Variants in SGO2 observed in about 807,000 individuals in gnomAD.
SGO2 encodes shugoshin 2.
In SGO2, 68 loss-of-function variants were observed where a neutral mutation model predicts 99.5. That is an observed-to-expected ratio of 0.68 (90% CI 0.56 to 0.84). The LOEUF is 0.84. Among genes scored for constraint, SGO2 ranks in the 40% least tolerant of loss-of-function variants. The pLI, the probability that SGO2 is intolerant of heterozygous loss-of-function variation, is 0.00. For synonymous variants in SGO2, 457 were observed against 487.1 expected (o/e 0.94, Z 0.81); for missense variants, 1,350 against 1,436.7 (o/e 0.94, Z 0.97).
At chr2:200,527,639 G>A (rs1014610568) in intron 1 of SGO2, among the ~76,000 whole-genome samples, 2 of 152,196 alleles carry the variant, frequency 1.3e-5, no homozygotes, top group Admixed American at 1.3e-4. Context: ...AGAGTGGGCG[G>A]TTTTTCTATT....
Position 200,571,269 on chromosome 2 carries a change from A to ATAATGAGATAAATGG in SGO2, c.925_939dup (p.Asn309_Gly313dup), listed in dbSNP as rs1208680920. On this transcript the variant is annotated inframe_insertion, in exon 7 of 9. Coordinates refer to ENST00000357799, the MANE Select transcript of SGO2 (RefSeq NM_152524.6). ...ATTTCAAGTCCAGAATTAAATTGCA[A>ATAATGAGATAAATGG]TAATGAGATAAATGGTCATACTAAT... 10 of 1,613,452 alleles carry ATAATGAGATAAATGG rather than the reference A, an allele frequency of 6.2e-6. No individual in the cohort carries two copies. The highest frequency in any genetic ancestry group is 8.5e-6 in the Non-Finnish European group (10 of 1,179,574).
intron 5 of SGO2, among the ~76,000 whole-genome samples, chr2:200,544,510 G>A (rs1256491461): frequency 1.3e-5 from 2 of 152,158 alleles, no homozygotes; most frequent in Non-Finnish European, 2.9e-5. Flanking sequence ...TCCAACTCCT[G>A]ACCTCCAGTA....
chr2:200,535,129 G>A lies in SGO2; in HGVS notation c.267G>A (p.Leu89=). The A allele has an allele frequency of 4.6e-6, 7 of 1,535,608 alleles. No homozygotes were observed. The highest frequency in any genetic ancestry group is 6.1e-6 in the Non-Finnish European group (7 of 1,152,740). ...KMLLQKEVEK[L]NFENTFLRLK... is the part of the protein sequence containing the mutation. ...TATTGCAAAAAGAAGTAGAGAAACT[G>A]AATTTTGAGAACACATTTCTTCGCC... is the stretch of plus-strand genomic sequence containing the variant. The change falls in exon 3 of 9, where the codon CTG becomes CTA. Residue 89 remains leucine (L), a synonymous_variant. Coordinates refer to ENST00000357799, the MANE Select transcript of SGO2 (RefSeq NM_152524.6).
At chr2:200,579,845 C>T (rs1051527318) in intron 8 of SGO2, among the ~76,000 whole-genome samples, 3 of 151,968 alleles carry the variant, frequency 2.0e-5, no homozygotes, top group African/African-American at 7.3e-5. Flanking sequence ...CTTTATCTGG[C>T]CTAGGTATCA....
At chr2:200,548,189 C>T (rs967707864) in intron 5 of SGO2, among the ~76,000 whole-genome samples, 3 of 150,826 alleles carry the variant, frequency 2.0e-5, no homozygotes, top group Admixed American at 1.3e-4. Flanking sequence ...TTCTTTTCAT[C>T]AACACATGGA....
At chr2:200,567,127 T>G (rs771304853) in intron 5 of SGO2, among the ~76,000 whole-genome samples, 13 of 152,200 alleles carry the variant, frequency 8.5e-5, no homozygotes, top group Non-Finnish European at 1.8e-4. Flanking sequence ...GTACCTCAGT[T>G]GGAAATGCAG....
In SGO2 at chr2:200,572,198, C is replaced by G. The variant is rs773911976; in HGVS notation, c.1852C>G (p.Arg618Gly). The G allele has an allele frequency of 6.2e-7, 1 of 1,612,172 alleles. No individual in the cohort carries two copies. The highest frequency in any genetic ancestry group is 2.2e-5 in the East Asian group (1 of 44,850). ...NINKLRKKVN[R>G]KTEIISGMNH... ...TAATAAGCTTAGAAAGAAAGTAAAC[C>G]GGAAGACAGAAATAATTTCTGGAAT... Residue 618 changes from arginine (R) to glycine (G), a missense_variant, in exon 7 of 9, where the codon CGG becomes GGG. By Grantham distance (125) the Arg-to-Gly change is moderately radical. Coordinates refer to ENST00000357799, the MANE Select transcript of SGO2 (RefSeq NM_152524.6).
At chr2:200,565,809 C>G (rs1422136411) in intron 5 of SGO2, among the ~76,000 whole-genome samples, 1 of 152,124 alleles carries the variant, frequency 6.6e-6, no homozygotes, top group Non-Finnish European at 1.5e-5. Context: ...TCATTTCATT[C>G]ATTTGATCTT....
At chr2:200,543,799 A>G (rs2106315982) in intron 5 of SGO2, among the ~76,000 whole-genome samples, 1 of 152,306 alleles carries the variant, frequency 6.6e-6, no homozygotes, top group African/African-American at 2.4e-5. Flanking sequence ...GTATTGTTTC[A>G]TATAGATATG....
chr2:200,565,052 C>T (rs1222768923), intron 5 of SGO2, among the ~76,000 whole-genome samples: 2 of 152,130 alleles, frequency 1.3e-5, no homozygotes, highest in Admixed American at 6.5e-5. Context: ...GAGCATTTAG[C>T]CCATTTACAT....
intron 5 of SGO2, among the ~76,000 whole-genome samples, chr2:200,557,238 T>C (rs921647031): frequency 4.6e-5 from 7 of 152,156 alleles, no homozygotes; most frequent in Non-Finnish European, 1.0e-4. Context: ...ACTCTAACCC[T>C]CATAAGTTGG....
intron 5 of SGO2, among the ~76,000 whole-genome samples, chr2:200,563,722 G>A (rs1049957298): frequency 1.3e-5 from 2 of 152,244 alleles, no homozygotes; most frequent in Non-Finnish European, 2.9e-5. Context: ...ATTAATTATT[G>A]CCTCAATTTC....
chr2:200,546,353 GAAAAA>G (rs772361302), intron 5 of SGO2, among the ~76,000 whole-genome samples: 2 of 42,248 alleles, frequency 4.7e-5, no homozygotes, highest in African/African-American at 2.0e-4. Context: ...ACTCCATCTG[GAAAAA>G]AAAAAAAAAA....
At chr2:200,541,552 C>T (rs1177586972) in intron 4 of SGO2, among the ~76,000 whole-genome samples, 1 of 152,198 alleles carries the variant, frequency 6.6e-6, no homozygotes. Flanking sequence ...CCTCTTGTCT[C>T]TAGGACCTGC....
rs1242475155 is a variant in SGO2 at position 200,526,443 on chromosome 2, T to C, written c.-3+191T>C. ...TTCGTTGACGGAGTCCTGTTTTGGC[T>C]TTGAGTCGCTGCCTCTTGTTTCTGA... On this transcript the variant is annotated intron_variant, in intron 1 of 8. Transcript: ENST00000357799. This position sits in a 1 kb window ranked among gnomAD's most constrained non-coding sequence, Gnocchi z 4.8. Among the ~76,000 whole-genome samples, 1 of 152,226 alleles carries C rather than the reference T, an allele frequency of 6.6e-6. No homozygotes were observed. Among genetic ancestry groups the C allele is most frequent in the Non-Finnish European group, 1.5e-5 (1 of 68,034 alleles).
chr2:200,544,316 C>G (rs919206613), intron 5 of SGO2, among the ~76,000 whole-genome samples: 1 of 152,194 alleles, frequency 6.6e-6, no homozygotes, highest in Admixed American at 6.5e-5. Context: ...GAGTCTTGCT[C>G]TGTCACCCAA....
rs780541495 is a variant in SGO2 at position 200,572,683 on chromosome 2, T to A, written c.2337T>A (p.Asp779Glu). The A allele has an allele frequency of 1.2e-6, 2 of 1,612,086 alleles. No individual in the cohort carries two copies. The highest frequency in any genetic ancestry group is 4.5e-5 in the East Asian group (2 of 44,874). ...CCAAAGATAGTGGAAACCTGTATGA[T>A]TCTGAGATTCAAAATGTTTTGGGGG... ...LSTKDSGNLYDSEIQNVLGVK... is the reference protein window; with the variant it reads ...LSTKDSGNLYESEIQNVLGVK... Residue 779 changes from aspartate to glutamate, a missense_variant, in exon 7 of 9, where the codon GAT becomes GAA. Transcript: ENST00000357799.
At chr2:200,535,488 T>G (rs1290569597) in intron 3 of SGO2, among the ~76,000 whole-genome samples, 1 of 152,180 alleles carries the variant, frequency 6.6e-6, no homozygotes, top group African/African-American at 2.4e-5. Flanking sequence ...TCCGGTGTTC[T>G]TGAAAGGAAA....
chr2:200,554,695 ATATT>A (rs1194724553), intron 5 of SGO2, among the ~76,000 whole-genome samples: 5 of 152,202 alleles, frequency 3.3e-5, no homozygotes, highest in African/African-American at 1.2e-4. Context: ...CATACCAGTA[ATATT>A]TATATAAGCA....
Sources: gnomAD v4.1 joint callset for allele counts (sites outside exome capture counted in the v4.1 genomes callset) on GRCh38, gnomAD v4.1.1 for gene constraint, Gnocchi (gnomAD v3.1) non-coding constraint, MANE v1.5 for transcripts, NCBI Gene and HGNC (gene_info 2026-07-23, HGNC 2026-07-21) for gene names.